TONSL: variants seen among roughly 807,000 people sequenced by gnomAD.
TONSL encodes tonsoku like, DNA repair protein.
A neutral mutation model predicts 147.1 loss-of-function variants in TONSL; 112 were observed. The observed-to-expected ratio is 0.76, with a 90% CI of 0.65 to 0.89. The LOEUF (loss-of-function observed/expected upper bound fraction) is 0.89. TONSL is among the 40% of genes least tolerant of loss of function. The probability of loss-of-function intolerance (pLI) is 0.00; values close to 1 mark genes in which losing one functional copy is unlikely to be tolerated. For missense variants in TONSL, 1,883 were observed against 1,864.6 expected, an observed-to-expected ratio of 1.01 and a Z score of -0.18; for synonymous variants, 868 against 801.5, an observed-to-expected ratio of 1.08 and a Z score of -1.40.
At position 144,444,265 on chromosome 8, in the gene TONSL, C is replaced by G; in HGVS notation, c.36G>C (p.Lys12Asn). The G allele has an allele frequency of 6.9e-7, 1 of 1,452,238 alleles. No individual in the cohort carries two copies. The allele number at this position is 1,452,238 out of a possible 1,614,324, so 90.0% of individuals were successfully genotyped here. ...SLERELRQLS[K>N]AKAKAQRAGQ... is the part of the protein sequence containing the mutation. Reference sequence around the variant, plus strand: ...CGGCCCTCTGCGCCTTGGCTTTCGCCTTGCTCAGCTCTGTGGGAGGAAGAG... The same window carrying G: ...CGGCCCTCTGCGCCTTGGCTTTCGCGTTGCTCAGCTCTGTGGGAGGAAGAG... Residue 12 changes from lysine (K) to asparagine (N), a missense_variant, in exon 2 of 26, where the codon AAG becomes AAC. Coordinates refer to ENST00000409379, the MANE Select transcript of TONSL (RefSeq NM_013432.5).
In TONSL at chr8:144,441,063, C is replaced by G; in HGVS notation, c.914G>C (p.Arg305Thr). 1 of 1,612,932 alleles carries G rather than the reference C, an allele frequency of 6.2e-7. No homozygotes were observed. Among genetic ancestry groups the G allele is most frequent in the Non-Finnish European group, 8.5e-7 (1 of 1,179,986 alleles). The change falls in exon 8 of 26, where the codon AGA becomes ACA. Residue 305 changes from arginine (R) to threonine (T), a missense_variant. Physicochemically the swap from Arg to Thr is moderately conservative, Grantham distance 71. Coordinates refer to ENST00000409379, the MANE Select transcript of TONSL (RefSeq NM_013432.5). ...LQQQLEEAEG[R>T]DPQGAMVICE... ...GATGACCATGGCACCCTGAGGGTCTCTGCCCTCAGCCTCTTCCAGCTGTTG... is the reference window on the plus strand; with the variant it reads ...GATGACCATGGCACCCTGAGGGTCTGTGCCCTCAGCCTCTTCCAGCTGTTG...
chr8:144,444,314 G>C, intron 1 of TONSL, 39 bp from the exon 2 acceptor site: 1 of 1,342,180 alleles, frequency 7.5e-7, no homozygotes, highest in Non-Finnish European at 9.6e-7. Flanking sequence ...CCGCGGCGGG[G>C]TCCGGGGCCG....
At chr8:144,440,588 C>T (rs375255142) in intron 9 of TONSL, 112 bp from the exon 10 acceptor site, 12 of 1,522,074 alleles carry the variant, frequency 7.9e-6, no homozygotes, top group East Asian at 4.5e-5. Context: ...TCCCAGCTGC[C>T]GAGGGTGGAT....
chr8:144,432,754 ACTGACCATTGCTGCCCCC>A (rs1456580915), intron 22 of TONSL: 1 of 301,842 alleles, frequency 3.3e-6, no homozygotes, highest in Non-Finnish European at 6.1e-6. Context: ...AGGGGAGTGC[ACTGACCATTGCTGCCCCC>A]CTTACACTCC....
At chr8:144,438,912 T>C (rs1276642436) in intron 11 of TONSL, 177 bp from the exon 12 acceptor site, 2 of 659,480 alleles carry the variant, frequency 3.0e-6, no homozygotes, top group South Asian at 3.5e-5. Context: ...GCTGCCTCCA[T>C]GTCTCCCTGA....
chr8:144,434,328 C>T, intron 20 of TONSL, 49 bp from the exon 21 acceptor site: 3 of 1,439,798 alleles, frequency 2.1e-6, no homozygotes, highest in East Asian at 2.5e-5. Flanking sequence ...CCTTTCTGCC[C>T]TCTGAATCCC....
chr8:144,441,500 G>A (rs1823717915), intron 7 of TONSL: 1 of 210,934 alleles, frequency 4.7e-6, no homozygotes, highest in Non-Finnish European at 9.7e-6. Context: ...GCTGAGGCAG[G>A]AGAATGGCAT....
In TONSL at chr8:144,435,720, T is replaced by C; in HGVS notation, c.2713A>G (p.Ser905Gly). ...TCTGAGACCCTGGGGGTGCTGGGGC[T>C]CCCTGGAGGTTCTGAAGCCAGGCTG... Reference protein sequence around the residue: ...PSSLASEPPGSPSTPRVSEPS... With the variant: ...PSSLASEPPGGPSTPRVSEPS... The change falls in exon 17 of 26, where the codon AGC becomes GGC. Residue 905 changes from serine (S) to glycine (G), a missense_variant. By Grantham distance (56) the Ser-to-Gly change is moderately conservative. Coordinates refer to ENST00000409379, the MANE Select transcript of TONSL (RefSeq NM_013432.5). The C allele has an allele frequency of 6.2e-7, 1 of 1,612,074 alleles. No individual in the cohort carries two copies. The highest frequency in any genetic ancestry group is 8.5e-7 in the Non-Finnish European group (1 of 1,179,326).
Position 144,435,735 on chromosome 8 carries a change from A to T in TONSL, c.2698T>A (p.Ser900Thr), listed in dbSNP as rs746893565. 2 of 1,612,620 alleles carry T rather than the reference A, an allele frequency of 1.2e-6. No individual in the cohort carries two copies. The highest frequency in any genetic ancestry group is 1.7e-6 in the Non-Finnish European group (2 of 1,179,732). The change falls in exon 17 of 26, where the codon TCA becomes ACA. Residue 900 changes from serine (S) to threonine (T), a missense_variant. Ser to Thr is a moderately conservative substitution (Grantham distance 58, BLOSUM62 1). Coordinates refer to ENST00000409379, the MANE Select transcript of TONSL (RefSeq NM_013432.5). ...PVNAGPSSLA[S>T]EPPGSPSTPR... ...GTGCTGGGGCTCCCTGGAGGTTCTG[A>T]AGCCAGGCTGCTGGGCCCTGCGTTA...
chr8:144,429,613 TAAG>T lies in TONSL; in HGVS notation c.3944-280_3944-278del, dbSNP rs563226871. Among the ~76,000 whole-genome samples the T allele has an allele frequency of 2.9e-4, 44 of 152,230 alleles. 1 individual carries two copies. In the South Asian group the frequency reaches 5.0e-3, roughly 17 times the overall value. On this transcript the variant is annotated intron_variant, in intron 25 of 25. Coordinates refer to ENST00000409379, the MANE Select transcript of TONSL (RefSeq NM_013432.5). ...GCCTACACGTCAGTCTCCCCACCCA[TAAG>T]AAGGACATAATGGATCTGCTTGCAA... is the stretch of plus-strand genomic sequence containing the variant.
intron 7 of TONSL, 71 bp from the exon 8 acceptor site, chr8:144,441,182 G>C: frequency 6.4e-7 from 1 of 1,574,512 alleles, no homozygotes; most frequent in Non-Finnish European, 8.6e-7. Context: ...CCTGCAAGCT[G>C]TGAGCCCTGT....
chr8:144,440,278 C>A, intron 10 of TONSL, 68 bp from the exon 11 acceptor site: 2 of 1,558,278 alleles, frequency 1.3e-6, no homozygotes, highest in South Asian at 1.2e-5. Context: ...GGGGATGGGG[C>A]ACAAGGGGCA....
chr8:144,434,799 C>T lies in TONSL; in HGVS notation c.3085+12G>A. On this transcript the variant is annotated intron_variant, in intron 20 of 25. Transcript: ENST00000409379. The stretch of plus-strand genomic sequence containing the variant: ...GACCTCACCCAGAAACTGCAGCTCT[C>T]CTGGCCCTCACCTTGCCCCAGGCTC... 3 of 1,613,036 alleles carry T rather than the reference C, an allele frequency of 1.9e-6. No individual in the cohort carries two copies. Among genetic ancestry groups the T allele is most frequent in the Non-Finnish European group, 2.5e-6 (3 of 1,179,650 alleles).
rs782249317 is a variant in TONSL, at chr8:144,429,322, C to T, written c.3958G>A (p.Gly1320Ser). ...FLGLSGCAVQGPLGLGLWDKI... is the reference protein window; with the variant it reads ...FLGLSGCAVQSPLGLGLWDKI... ...TCCCACAGGCCCAGGCCCAGGGGAC[C>T]CTGGACGGCGCAGCCTGCGGAGGGG... The change falls in exon 26 of 26, where the codon GGT becomes AGT. Residue 1320 changes from glycine (G) to serine (S), a missense_variant. Gly to Ser is a moderately conservative substitution (Grantham distance 56). Coordinates refer to ENST00000409379, the MANE Select transcript of TONSL (RefSeq NM_013432.5). The T allele has an allele frequency of 6.9e-7, 1 of 1,457,302 alleles. No homozygotes were observed. Among genetic ancestry groups the T allele is most frequent in the African/African-American group, 1.5e-5 (1 of 68,536 alleles). 90.3% of individuals were successfully genotyped at this position (1,457,302 alleles called of 1,614,324 possible). A position where few individuals can be genotyped will look rare whatever the true frequency, so the allele number is the denominator to read the frequency against.
chr8:144,441,570 T>C lies in TONSL; in HGVS notation c.866-459A>G, dbSNP rs1057050499. 7 of 195,652 alleles carry C rather than the reference T, an allele frequency of 3.6e-5. 1 individual carries two copies. Among genetic ancestry groups the C allele is most frequent in the South Asian group, 2.6e-4 (3 of 11,446 alleles). The allele number at this position is 195,652 out of a possible 1,614,324, so 12.1% of individuals were successfully genotyped here. On this transcript the variant is annotated intron_variant, in intron 7 of 25. Transcript: ENST00000409379. ...TCATGCCACTGCACTCCAGCCTGGG[T>C]GACAGAGCGAGACTCCGTCTCAAGA...
Position 144,435,101 on chromosome 8 carries a change from C to T in TONSL, c.2922G>A (p.Leu974=), listed in dbSNP as rs766462216. The T allele has an allele frequency of 3.1e-6, 5 of 1,600,814 alleles. No individual in the cohort carries two copies. The African/African-American group carries it at 5.4e-5, about 17-fold the overall frequency. The change falls in exon 19 of 26, where the codon CTG becomes CTA. Residue 974 remains leucine, a synonymous_variant. Transcript: ENST00000409379. ...AAQRYYQTCG[L]LPRLTLRKEG... ...CTTTCCGTAGGGTGAGCCTGGGCAGCAGCCCGCAGGTCTGGTAGTAGCGCT... is the reference window on the plus strand; with the variant it reads ...CTTTCCGTAGGGTGAGCCTGGGCAGTAGCCCGCAGGTCTGGTAGTAGCGCT...
In TONSL at chr8:144,435,883, G is replaced by C. The variant is rs2130848745; in HGVS notation, c.2550C>G (p.Pro850=). 6.2e-7 allele frequency: 1 copy of C among 1,600,400 alleles called. No homozygotes were observed. Residue 850 remains proline, a synonymous_variant, in exon 17 of 26, where the codon CCC becomes CCG. Transcript: ENST00000409379. ...GCCTGCGGTTGTCTCCAGTGCCCCG[G>C]GGGCGGGGCCGGCGGCTGCGGGTCA... is the stretch of plus-strand genomic sequence containing the variant. ...MPLTRSRRPR[P]RGTGDNRRPS... is the part of the protein sequence containing the mutation.
rs1554878933 is a variant in TONSL at position 144,432,466 on chromosome 8, C to T, written c.3560-6G>A. On this transcript the variant is annotated splice_region_variant and splice_polypyrimidine_tract_variant and intron_variant, in intron 22 of 25. Transcript: ENST00000409379. ...GGTCTTCAGGTGCTCAGCATCTGCACCGGGGCCAGAATCCGTCAGCCCCAC... is the reference window on the plus strand; with the variant it reads ...GGTCTTCAGGTGCTCAGCATCTGCATCGGGGCCAGAATCCGTCAGCCCCAC... 4 of 1,527,520 alleles carry T rather than the reference C, an allele frequency of 2.6e-6. No individual in the cohort carries two copies. Among genetic ancestry groups the T allele is most frequent in the Non-Finnish European group, 3.5e-6 (4 of 1,139,522 alleles). The allele number at this position is 1,527,520 out of a possible 1,614,324, so 94.6% of individuals were successfully genotyped here. A position where few individuals can be genotyped will look rare whatever the true frequency, so the allele number is the denominator to read the frequency against.
chr8:144,433,750 C>T lies in TONSL; in HGVS notation c.3397G>A (p.Glu1133Lys), dbSNP rs1554879257. ...AGGGGGTTCATGCTTAAGTCCAGCTCCTCCAAACTCTGTGGAAGACACAGG... is the reference window on the plus strand; with the variant it reads ...AGGGGGTTCATGCTTAAGTCCAGCTTCTCCAAACTCTGTGGAAGACACAGG... Reference protein sequence around the residue: ...PGQATLQSLEELDLSMNPLGD... With the variant: ...PGQATLQSLEKLDLSMNPLGD... Residue 1133 changes from glutamate (E) to lysine (K), a missense_variant, in exon 22 of 26, where the codon GAG becomes AAG. Glu to Lys is a moderately conservative substitution (Grantham distance 56, BLOSUM62 1). Transcript: ENST00000409379. 1 of 1,578,948 alleles carries T rather than the reference C, an allele frequency of 6.3e-7. No individual in the cohort carries two copies. The highest frequency in any genetic ancestry group is 1.4e-5 in the African/African-American group (1 of 73,822).
Sources: allele counts gnomAD v4.1 joint callset (sites outside exome capture counted in the v4.1 genomes callset), GRCh38; gene constraint gnomAD v4.1.1; transcripts MANE v1.5; gene names NCBI Gene and HGNC (gene_info 2026-07-23, HGNC 2026-07-21).